CNTNAP4: variants seen among roughly 807,000 people sequenced by gnomAD.
CNTNAP4 encodes the protein contactin associated protein family member 4.
CNTNAP4 carries 98 observed loss-of-function variants against 148.4 expected under a neutral mutation model. The ratio of observed to expected loss-of-function variants is 0.66; its 90% CI spans 0.56 to 0.78. The LOEUF is 0.78. CNTNAP4 is among the 30% of genes least tolerant of loss of function. The probability of loss-of-function intolerance (pLI) is 0.00; values close to 1 mark genes in which losing one functional copy is unlikely to be tolerated. For missense variants in CNTNAP4, 1,935 were observed against 1,565.6 expected (o/e 1.24, Z -3.98); for synonymous variants, 730 against 565.1 (o/e 1.29, Z -4.14).
chr16:76,494,084 CT>C (rs35209511), intron 13 of CNTNAP4, among the ~76,000 whole-genome samples: 13 of 149,052 alleles, frequency 8.7e-5, no homozygotes, highest in South Asian at 2.1e-4. Flanking sequence ...TTCCTCCATA[CT>C]TTTTTTTTTT....
At chr16:76,550,319 C>A (rs7200889) in intron 21 of CNTNAP4, among the ~76,000 whole-genome samples, 47,239 of 152,042 alleles carry the variant, frequency 0.31, 7,553 homozygotes, top group African/African-American at 0.39. Flanking sequence ...CTCAAACATC[C>A]GGGCATTTGT....
chr16:76,488,169 CAATTT>C (rs2082091688), intron 12 of CNTNAP4, among the ~76,000 whole-genome samples: 1 of 152,056 alleles, frequency 6.6e-6, no homozygotes, highest in African/African-American at 2.4e-5. Flanking sequence ...CTCGTTCTGC[CAATTT>C]AATTTCCAAA....
chr16:76,353,529 T>C (rs1337269890), intron 2 of CNTNAP4, among the ~76,000 whole-genome samples: 2 of 152,146 alleles, frequency 1.3e-5, no homozygotes, highest in Non-Finnish European at 2.9e-5. Flanking sequence ...TTCTCACCCT[T>C]TGCGGTTGTT....
At chr16:76,318,117 C>G (rs1467801863) in intron 2 of CNTNAP4, among the ~76,000 whole-genome samples, 1 of 152,156 alleles carries the variant, frequency 6.6e-6, no homozygotes, top group Non-Finnish European at 1.5e-5. Context: ...TACCTATGGA[C>G]CCACCAGCAG....
At chr16:76,380,270 A>G (rs1482031276) in intron 3 of CNTNAP4, among the ~76,000 whole-genome samples, 4 of 152,202 alleles carry the variant, frequency 2.6e-5, no homozygotes, top group African/African-American at 9.6e-5. Context: ...GGTGACAGAC[A>G]TCTGTGATTG....
intron 10 of CNTNAP4, among the ~76,000 whole-genome samples, chr16:76,474,141 C>T (rs972135664): frequency 1.1e-4 from 17 of 152,156 alleles, no homozygotes; most frequent in African/African-American, 4.1e-4. Context: ...GAGATGAGGC[C>T]ATCTGTGTTT....
At chr16:76,424,226 C>T (rs930553316) in intron 3 of CNTNAP4, among the ~76,000 whole-genome samples, 1 of 152,140 alleles carries the variant, frequency 6.6e-6, no homozygotes, top group Admixed American at 6.6e-5. Flanking sequence ...TGCATCTTTT[C>T]TCCCAGTCCC....
intron 2 of CNTNAP4, among the ~76,000 whole-genome samples, chr16:76,326,883 G>A (rs978004313): frequency 9.2e-5 from 14 of 151,884 alleles, no homozygotes; most frequent in Non-Finnish European, 4.4e-5. Context: ...ACACCAACAT[G>A]GCACATGTAT....
chr16:76,321,787 C>CAAAAA (rs5817984), intron 2 of CNTNAP4, among the ~76,000 whole-genome samples: 1 of 105,430 alleles, frequency 9.5e-6, no homozygotes, highest in Non-Finnish European at 2.0e-5. Context: ...GACTCAGTCT[C>CAAAAA]AAAAAAAAAA....
At chr16:76,505,016 A>G (rs1208738665) in intron 15 of CNTNAP4, among the ~76,000 whole-genome samples, 1 of 152,200 alleles carries the variant, frequency 6.6e-6, no homozygotes, top group African/African-American at 2.4e-5. Flanking sequence ...ACATTGCACT[A>G]CAGATGCAAA....
At chr16:76,414,297 A>C (rs767491701) in intron 3 of CNTNAP4, among the ~76,000 whole-genome samples, 1 of 151,416 alleles carries the variant, frequency 6.6e-6, no homozygotes, top group Non-Finnish European at 1.5e-5. Flanking sequence ...TGAGAAAACC[A>C]TATGTTACTT....
rs928496190 is a variant in CNTNAP4, at chr16:76,404,732, A to G, written c.391-22720A>G. ...AATTAATAGACATAGTAAAGATTTA[A>G]TACAAAAATTGTGAATGTAAGCACT... On this transcript the variant is annotated intron_variant, in intron 3 of 23. Coordinates refer to ENST00000611870, the MANE Select transcript of CNTNAP4 (RefSeq NM_033401.5). Among the ~76,000 whole-genome samples the G allele has an allele frequency of 2.0e-5, 3 of 152,284 alleles. No individual in the cohort carries two copies. In the East Asian group the frequency reaches 5.8e-4, roughly 29 times the overall value.
In CNTNAP4 at chr16:76,465,445, A is replaced by G. The variant is rs115952083; in HGVS notation, c.1484-1907A>G. ...GATAGTATGCTTTCTGTAAAATTCCATGATCTTTCCTGGTGACTCTGGGTT... is the reference window on the plus strand; with the variant it reads ...GATAGTATGCTTTCTGTAAAATTCCGTGATCTTTCCTGGTGACTCTGGGTT... On this transcript the variant is annotated intron_variant, in intron 9 of 23. Transcript: ENST00000611870. Among the ~76,000 whole-genome samples the G allele has an allele frequency of 6.1e-3, 933 of 152,284 alleles. 8 individuals carry two copies. Among genetic ancestry groups the G allele is most frequent in the African/African-American group, 0.019 (772 of 41,550 alleles).
intron 3 of CNTNAP4, among the ~76,000 whole-genome samples, chr16:76,397,941 TATACATATATATATATATA>T (rs2078262959): frequency 1.6e-3 from 3 of 1,928 alleles, no homozygotes; most frequent in African/African-American, 3.6e-3. Context: ...TAATAGATTA[TATACATATATATATATATA>T]TATATATATA....
At chr16:76,369,191 A>G (rs2014511803) in intron 3 of CNTNAP4, among the ~76,000 whole-genome samples, 1 of 152,194 alleles carries the variant, frequency 6.6e-6, no homozygotes, top group Non-Finnish European at 1.5e-5. Flanking sequence ...TGAAACTGCA[A>G]TATTTTAGAC....
At chr16:76,363,682 A>G (rs921227208) in intron 3 of CNTNAP4, among the ~76,000 whole-genome samples, 2 of 152,250 alleles carry the variant, frequency 1.3e-5, no homozygotes, top group African/African-American at 4.8e-5. Context: ...TATAGCATAC[A>G]ACAAAGTGAA....
intron 2 of CNTNAP4, among the ~76,000 whole-genome samples, chr16:76,326,966 C>CAA (rs370233510): frequency 2.1e-5 from 3 of 144,056 alleles, no homozygotes; most frequent in African/African-American, 7.7e-5. Context: ...TTAAAAAATA[C>CAA]AAAAAAAAAA....
chr16:76,295,978 A>G (rs149141695), intron 1 of CNTNAP4, among the ~76,000 whole-genome samples: 15 of 152,234 alleles, frequency 9.9e-5, no homozygotes, highest in African/African-American at 3.4e-4. Context: ...ATGTGCCACC[A>G]TGGCCAGCTA....
At chr16:76,520,524 C>G (rs993589496) in intron 15 of CNTNAP4, among the ~76,000 whole-genome samples, 1 of 152,098 alleles carries the variant, frequency 6.6e-6, no homozygotes, top group Non-Finnish European at 1.5e-5. Flanking sequence ...TTCTTATTGG[C>G]AAAGTAAGAG....
Sources: gnomAD v4.1 joint callset for allele counts (sites outside exome capture counted in the v4.1 genomes callset) on GRCh38, gnomAD v4.1.1 for gene constraint, MANE v1.5 for transcripts, NCBI Gene and HGNC (gene_info 2026-07-23, HGNC 2026-07-21) for gene names.